Variants in RUNDC3B observed in about 807,000 individuals in gnomAD.
The protein encoded by RUNDC3B is RUN domain containing 3B.
Under a neutral mutation model 58.4 loss-of-function variants are expected in RUNDC3B, and 33 were observed. The ratio of observed to expected loss-of-function variants is 0.56; its 90% CI spans 0.43 to 0.75. RUNDC3B has a LOEUF of 0.75. Ranked by LOEUF, RUNDC3B falls within the 30% of genes least tolerant of loss-of-function variation. The pLI is 0.00. For missense variants in RUNDC3B, 501 were observed against 535.7 expected, an observed-to-expected ratio of 0.94 and a Z score of 0.64; for synonymous variants, 193 against 195.2, an observed-to-expected ratio of 0.99 and a Z score of 0.10.
intron 1 of RUNDC3B, among the ~76,000 whole-genome samples, chr7:87,638,528 T>C (rs952636335): frequency 6.6e-6 from 1 of 152,176 alleles, no homozygotes; most frequent in African/African-American, 2.4e-5. Context: ...TAATAAATAC[T>C]GAACAATTCA....
At chr7:87,700,289 T>G in intron 2 of RUNDC3B, 132 bp from the exon 3 acceptor site, 1 of 679,090 alleles carries the variant, frequency 1.5e-6, no homozygotes, top group East Asian at 2.9e-5. Flanking sequence ...TTTTGACACC[T>G]AGATTGGTGG....
At chr7:87,659,318 G>T in intron 2 of RUNDC3B, 3 of 308,892 alleles carry the variant, frequency 9.7e-6, no homozygotes, top group Non-Finnish European at 6.3e-6. Flanking sequence ...TGTCTTCTAG[G>T]GGGCTGTTTG....
At chr7:87,756,290 ATCTT>A (rs1459519086) in intron 6 of RUNDC3B, among the ~76,000 whole-genome samples, 13 of 152,018 alleles carry the variant, frequency 8.6e-5, no homozygotes, top group Non-Finnish European at 1.3e-4. Flanking sequence ...AAGTGCTTTA[ATCTT>A]TCTTTATTCA....
chr7:87,816,675 G>A (rs1837061311), intron 10 of RUNDC3B, among the ~76,000 whole-genome samples: 1 of 152,046 alleles, frequency 6.6e-6, no homozygotes, highest in Non-Finnish European at 1.5e-5. Flanking sequence ...CATGGTACCT[G>A]GTTTATTGAG....
chr7:87,783,002 A>G (rs1198939649), intron 8 of RUNDC3B, among the ~76,000 whole-genome samples: 3 of 152,200 alleles, frequency 2.0e-5, no homozygotes, highest in African/African-American at 7.2e-5. Context: ...ATTTACATCC[A>G]GAATTTGTTA....
At chr7:87,674,482 C>T (rs1826128998) in intron 2 of RUNDC3B, among the ~76,000 whole-genome samples, 1 of 152,044 alleles carries the variant, frequency 6.6e-6, no homozygotes, top group South Asian at 2.1e-4. Flanking sequence ...TCTAGGGTGT[C>T]AGGGTGCACA....
At chr7:87,826,479 G>A (rs934306075) in intron 10 of RUNDC3B, among the ~76,000 whole-genome samples, 3 of 150,622 alleles carry the variant, frequency 2.0e-5, no homozygotes, top group African/African-American at 7.4e-5. Flanking sequence ...ACTAATACAA[G>A]GTATCTAAAG....
chr7:87,702,539 C>T (rs577784285), intron 3 of RUNDC3B, among the ~76,000 whole-genome samples: 99 of 152,180 alleles, frequency 6.5e-4, no homozygotes, highest in African/African-American at 2.2e-3. Flanking sequence ...TGCAGCCTCC[C>T]GAAGTGCTGG....
At chr7:87,641,523 C>T (rs940536960) in intron 1 of RUNDC3B, among the ~76,000 whole-genome samples, 1 of 152,052 alleles carries the variant, frequency 6.6e-6, no homozygotes, top group African/African-American at 2.4e-5. Context: ...TCCAGCAAGC[C>T]AAAACAACAA....
At chr7:87,822,088 A>G (rs1215296941) in intron 10 of RUNDC3B, among the ~76,000 whole-genome samples, 1 of 152,144 alleles carries the variant, frequency 6.6e-6, no homozygotes, top group Non-Finnish European at 1.5e-5. Context: ...AGAAACTACC[A>G]TCAGAGTGAA....
intron 6 of RUNDC3B, among the ~76,000 whole-genome samples, chr7:87,767,597 C>T (rs575706689): frequency 6.6e-6 from 1 of 152,176 alleles, no homozygotes; most frequent in Non-Finnish European, 1.5e-5. Flanking sequence ...TAGCACTATG[C>T]CCTTCTATCC....
At chr7:87,781,595 A>G (rs934409987) in intron 8 of RUNDC3B, among the ~76,000 whole-genome samples, 7 of 152,190 alleles carry the variant, frequency 4.6e-5, no homozygotes, top group African/African-American at 1.7e-4. Context: ...GCCTTTGCCC[A>G]TTCAGTATGA....
chr7:87,633,451 A>G (rs1053275248), intron 1 of RUNDC3B, among the ~76,000 whole-genome samples: 1 of 152,216 alleles, frequency 6.6e-6, no homozygotes, highest in Admixed American at 6.5e-5. Context: ...AGACTCTTGC[A>G]GCATGTAGAG....
intron 4 of RUNDC3B, among the ~76,000 whole-genome samples, chr7:87,728,023 C>T (rs1407873472): frequency 6.6e-6 from 1 of 152,110 alleles, no homozygotes; most frequent in Non-Finnish European, 1.5e-5. Flanking sequence ...AACCTATCTT[C>T]TTCTATTCAT....
At chr7:87,799,885 C>CAAA (rs763617668) in intron 8 of RUNDC3B, among the ~76,000 whole-genome samples, 95 of 59,220 alleles carry the variant, frequency 1.6e-3, no homozygotes, top group Middle Eastern at 9.3e-3. Context: ...GACTCCGTCT[C>CAAA]AAAAAAAAAA....
Position 87,813,975 on chromosome 7 carries a change from C to T in RUNDC3B, c.1104-2166C>T, listed in dbSNP as rs139438500. On this transcript the variant is annotated intron_variant, in intron 9 of 10. Coordinates refer to ENST00000394654, the MANE Select transcript of RUNDC3B (RefSeq NM_001134405.2). Reference sequence around the variant, plus strand: ...CAGCCTGGGCGACAGAGCGAGACTCCGTCTCAAAAAAAAAAAAAAGATTTT... The same window carrying T: ...CAGCCTGGGCGACAGAGCGAGACTCTGTCTCAAAAAAAAAAAAAAGATTTT... Among the ~76,000 whole-genome samples, 420 of 147,074 alleles carry T rather than the reference C, an allele frequency of 2.9e-3. 7 individuals are homozygous for T. The East Asian group carries it at 0.051, about 18-fold the overall frequency.
At chr7:87,685,282 G>T (rs1827345806) in intron 2 of RUNDC3B, among the ~76,000 whole-genome samples, 1 of 152,084 alleles carries the variant, frequency 6.6e-6, no homozygotes, top group Non-Finnish European at 1.5e-5. Flanking sequence ...GCAAAGAGCT[G>T]AACAGATATT....
At chr7:87,722,678 A>G (rs1307340125) in intron 4 of RUNDC3B, among the ~76,000 whole-genome samples, 1 of 152,176 alleles carries the variant, frequency 6.6e-6, no homozygotes, top group Non-Finnish European at 1.5e-5. Flanking sequence ...TCTCAAGGCT[A>G]AGCAGTAATG....
intron 8 of RUNDC3B, among the ~76,000 whole-genome samples, chr7:87,798,064 A>T (rs978958328): frequency 6.6e-6 from 1 of 152,156 alleles, no homozygotes; most frequent in African/African-American, 2.4e-5. Flanking sequence ...TAAGAGTTGG[A>T]GGTGCTTGCT....
Sources: gnomAD v4.1 joint callset for allele counts (sites outside exome capture counted in the v4.1 genomes callset) on GRCh38, gnomAD v4.1.1 for gene constraint, MANE v1.5 for transcripts, NCBI Gene and HGNC (gene_info 2026-07-23, HGNC 2026-07-21) for gene names.